PPL: variants seen among roughly 807,000 people sequenced by gnomAD.
PPL encodes the protein periplakin.
Under a neutral mutation model 194.4 loss-of-function variants are expected in PPL, and 198 were observed. The observed-to-expected ratio is 1.02, with a 90% CI of 0.91 to 1.15. The LOEUF (loss-of-function observed/expected upper bound fraction) is 1.15, where lower values mean the gene tolerates loss of function less well. Among genes scored for constraint, PPL ranks in the 50% most tolerant of loss-of-function variants. The probability of loss-of-function intolerance (pLI) is 0.00; values close to 1 mark genes in which losing one functional copy is unlikely to be tolerated. For missense variants in PPL, 2,885 were observed against 2,294.8 expected (o/e 1.26, Z -5.25); for synonymous variants, 1,220 against 972.4 (o/e 1.25, Z -4.74).
intron 1 of PPL, among the ~76,000 whole-genome samples, chr16:4,932,090 T>G (rs2089232254): frequency 6.6e-6 from 1 of 152,110 alleles, no homozygotes; most frequent in African/African-American, 2.4e-5. Flanking sequence ...GAGGCCTCAT[T>G]TGCTTCCCCA....
Position 4,885,763 on chromosome 16 carries a change from G to C in PPL, c.2892C>G (p.Asn964Lys). The C allele has an allele frequency of 6.2e-7, 1 of 1,612,012 alleles. No homozygotes were observed. The highest frequency in any genetic ancestry group is 8.5e-7 in the Non-Finnish European group (1 of 1,179,968). ...QRTLAEEQHK[N>K]QLLQEELEAL... ...CCTCCAGCTCCTCCTGCAGCAGCTG[G>C]TTCTTGTGCTGCTCCTCTGCCAGCG... Residue 964 changes from asparagine to lysine, a missense_variant, in exon 22 of 22, where the codon AAC becomes AAG. Physicochemically the swap from Asn to Lys is moderately conservative, Grantham distance 94. Coordinates refer to ENST00000345988, the MANE Select transcript of PPL (RefSeq NM_002705.5). This position sits in a 1 kb window ranked among gnomAD's most constrained non-coding sequence, Gnocchi z 6.3.
At position 4,890,712 on chromosome 16, in the gene PPL, C is replaced by A. The variant is rs1284774403; in HGVS notation, c.2162+16G>T. 4 of 1,591,392 alleles carry A rather than the reference C, an allele frequency of 2.5e-6. No homozygotes were observed. In the East Asian group the frequency reaches 9.0e-5, roughly 36 times the overall value. On this transcript the variant is annotated intron_variant, in intron 17 of 21. Coordinates refer to ENST00000345988, the MANE Select transcript of PPL (RefSeq NM_002705.5). ...TCTCAGAAAACAAAAATGGCCACCACCCACCGCACCCTCACCTGCGTTCCA... is the reference window on the plus strand; with the variant it reads ...TCTCAGAAAACAAAAATGGCCACCAACCACCGCACCCTCACCTGCGTTCCA...
intron 1 of PPL, among the ~76,000 whole-genome samples, chr16:4,913,463 T>C (rs1488288302): frequency 3.3e-5 from 5 of 152,196 alleles, no homozygotes; most frequent in African/African-American, 1.2e-4. Flanking sequence ...GGACTGTGCA[T>C]AGAGCCGGGC....
intron 20 of PPL, 151 bp from the exon 21 acceptor site, chr16:4,887,378 G>A (rs1247733805): frequency 3.1e-6 from 2 of 645,786 alleles, no homozygotes; most frequent in South Asian, 3.4e-5. Flanking sequence ...GAGTTAGACT[G>A]TAGCCTCACC....
intron 3 of PPL, among the ~76,000 whole-genome samples, chr16:4,903,655 G>T (rs58384839): frequency 2.6e-5 from 4 of 151,860 alleles, no homozygotes; most frequent in Non-Finnish European, 5.9e-5. Flanking sequence ...GGGAGGCAGA[G>T]ATTGCGCTGA....
In PPL at chr16:4,902,859, T is replaced by G. The variant is rs1325970044; in HGVS notation, c.318-333A>C. 6.6e-6 allele frequency among the ~76,000 whole-genome samples: 1 copy of G among 152,102 alleles called. No individual in the cohort carries two copies. The highest frequency in any genetic ancestry group is 1.9e-4 in the East Asian group (1 of 5,174). ...CATGTGCCACCTCGCCTGGGTAATT[T>G]TGTATTTTCAGTAGAGACGGGGTTT... On this transcript the variant is annotated intron_variant, in intron 3 of 21. Transcript: ENST00000345988. This position sits in a 1 kb window ranked among gnomAD's most constrained non-coding sequence, Gnocchi z 4.0.
rs1236847922 is a variant in PPL at position 4,902,702 on chromosome 16, T to G, written c.318-176A>C. Among the ~76,000 whole-genome samples the G allele has an allele frequency of 6.6e-6, 1 of 151,628 alleles. No individual in the cohort carries two copies. The highest frequency in any genetic ancestry group is 1.5e-5 in the Non-Finnish European group (1 of 67,782). ...CCCTCCTCCCATGCACTTTTTTTTTTTTTTTGAGACAGAGTCTTGCTCTGT... is the reference window on the plus strand; with the variant it reads ...CCCTCCTCCCATGCACTTTTTTTTTGTTTTTGAGACAGAGTCTTGCTCTGT... On this transcript the variant is annotated intron_variant, in intron 3 of 21. Coordinates refer to ENST00000345988, the MANE Select transcript of PPL (RefSeq NM_002705.5). The surrounding 1 kb of genome is among the most constrained non-coding windows in gnomAD (Gnocchi z 4.0).
At position 4,899,341 on chromosome 16, in the gene PPL, T is replaced by G; in HGVS notation, c.650A>C (p.Asp217Ala). ...CTCATTGGTGCAGCGCTGCATGTAG[T>G]CCTGCAGCGAACTCAGGTGCTGCTG... Reference protein sequence around the residue: ...ARQQHLSSLQDYMQRCTNELY... With the variant: ...ARQQHLSSLQAYMQRCTNELY... The change falls in exon 7 of 22, where the codon GAC becomes GCC. Residue 217 changes from aspartate to alanine, a missense_variant. Physicochemically the swap from Asp to Ala is moderately radical, Grantham distance 126. Transcript: ENST00000345988. The G allele has an allele frequency of 1.2e-6, 2 of 1,612,350 alleles. No individual in the cohort carries two copies. Among genetic ancestry groups the G allele is most frequent in the Non-Finnish European group, 1.7e-6 (2 of 1,179,256 alleles).
rs1467108021 is a variant in PPL at position 4,887,122 on chromosome 16, T to G, written c.2607+13A>C. 8.8e-6 allele frequency: 14 copies of G among 1,594,928 alleles called. No homozygotes were observed. Among genetic ancestry groups the G allele is most frequent in the Non-Finnish European group, 1.2e-5 (14 of 1,162,586 alleles). On this transcript the variant is annotated intron_variant, in intron 21 of 21. Coordinates refer to ENST00000345988, the MANE Select transcript of PPL (RefSeq NM_002705.5). ...AACAGCCTGAAGTAGAATTTCTTAC[T>G]AAGATCAGTTACCTGTCTGAGGAGA...
chr16:4,898,750 T>C (rs1487551078), intron 8 of PPL, among the ~76,000 whole-genome samples: 1 of 152,170 alleles, frequency 6.6e-6, no homozygotes, highest in African/African-American at 2.4e-5. Context: ...ACTAAGTTTG[T>C]TTTAACTTGT....
intron 1 of PPL, among the ~76,000 whole-genome samples, chr16:4,912,859 T>C (rs1226222234): frequency 6.6e-6 from 1 of 152,120 alleles, no homozygotes; most frequent in Admixed American, 6.6e-5. Context: ...ATCCCAGCAC[T>C]TTGGGAGGCC....
chr16:4,884,861 C>T lies in PPL; in HGVS notation c.3794G>A (p.Cys1265Tyr). 1.2e-6 allele frequency: 2 copies of T among 1,614,134 alleles called. No homozygotes were observed. Among genetic ancestry groups the T allele is most frequent in the Non-Finnish European group, 1.7e-6 (2 of 1,180,028 alleles). ...TTTCAGCTGGTAGATCTCTAAATCA[C>T]ACCTTTCGATCAGTCTGGTCTTGTC... Reference protein sequence around the residue: ...IVDKTRLIERCDLEIYQLKKE... With the variant: ...IVDKTRLIERYDLEIYQLKKE... Residue 1265 changes from cysteine (C) to tyrosine (Y), a missense_variant, in exon 22 of 22, where the codon TGT (cysteine) becomes TAT (tyrosine). Cys to Tyr is a radical substitution (Grantham distance 194, BLOSUM62 -2). Transcript: ENST00000345988. This position sits in a 1 kb window ranked among gnomAD's most constrained non-coding sequence, Gnocchi z 5.7.
intron 8 of PPL, among the ~76,000 whole-genome samples, chr16:4,898,653 C>T (rs1263069025): frequency 2.0e-5 from 3 of 152,124 alleles, no homozygotes; most frequent in Non-Finnish European, 4.4e-5. Flanking sequence ...CCTGGAGCTT[C>T]CAGAGGGAAT....
At chr16:4,913,245 C>T (rs912364103) in intron 1 of PPL, among the ~76,000 whole-genome samples, 3 of 152,166 alleles carry the variant, frequency 2.0e-5, no homozygotes, top group Non-Finnish European at 4.4e-5. Flanking sequence ...GGAAAATGCT[C>T]TAATGGGAGT....
At chr16:4,906,656 G>C (rs2088689599) in intron 2 of PPL, among the ~76,000 whole-genome samples, 1 of 152,234 alleles carries the variant, frequency 6.6e-6, no homozygotes, top group South Asian at 2.1e-4. Flanking sequence ...GGGAATGCAA[G>C]TTCTCTCAAA....
Position 4,893,822 on chromosome 16 carries a change from C to G in PPL, c.1395-184G>C. On this transcript the variant is annotated intron_variant, in intron 12 of 21. Transcript: ENST00000345988. ...GCTCCTGGGCTCAGAGCTCTTCTCC[C>G]TCCTTCCCTCCTCTTTCGTAGGAAG... The G allele has an allele frequency of 5.1e-6, 3 of 583,778 alleles. No homozygotes were observed. In the South Asian group the frequency reaches 6.3e-5, roughly 12 times the overall value. 36.2% of individuals were successfully genotyped at this position (583,778 alleles called of 1,614,324 possible). A position where few individuals can be genotyped will look rare whatever the true frequency, so the allele number is the denominator to read the frequency against.
At position 4,890,320 on chromosome 16, in the gene PPL, T is replaced by C. The variant is rs2088295689; in HGVS notation, c.2177A>G (p.Gln726Arg). Residue 726 changes from glutamine (Q) to arginine (R), a missense_variant, in exon 18 of 22, where the codon CAG becomes CGG. Coordinates refer to ENST00000345988, the MANE Select transcript of PPL (RefSeq NM_002705.5). ...QQVERRAQSL[Q>R]SAKAAYEHFH... ...GTGCTCGTAGGCTGCCTTGGCGCTC[T>C]GTAGGCTCTGCGCCCTGTCAAGGCA... 1 of 1,613,594 alleles carries C rather than the reference T, an allele frequency of 6.2e-7. No individual in the cohort carries two copies. The highest frequency in any genetic ancestry group is 2.2e-5 in the East Asian group (1 of 44,878).
Position 4,901,039 on chromosome 16 carries a change from G to A in PPL, c.489C>T (p.His163=). The A allele has an allele frequency of 6.2e-7, 1 of 1,614,154 alleles. No homozygotes were observed. The highest frequency in any genetic ancestry group is 8.5e-7 in the Non-Finnish European group (1 of 1,180,026). The stretch of plus-strand genomic sequence containing the variant: ...GGAAGATGTTATGCTCCTCCACTTG[G>A]TGGTCCACCAGCGGCAGGTCAGTCC... ...SFGTDLPLVD[H]QVEEHNIFHN... The change falls in exon 5 of 22, where the codon CAC becomes CAT. Residue 163 remains histidine (H), a synonymous_variant. Transcript: ENST00000345988.
rs2088178036 is a variant in PPL at position 4,884,585 on chromosome 16, C to T, written c.4070G>A (p.Arg1357Lys). 1 of 1,614,136 alleles carries T rather than the reference C, an allele frequency of 6.2e-7. No individual in the cohort carries two copies. Among genetic ancestry groups the T allele is most frequent in the Non-Finnish European group, 8.5e-7 (1 of 1,180,014 alleles). Residue 1357 changes from arginine (R) to lysine (K), a missense_variant, in exon 22 of 22, where the codon AGG becomes AAG. Transcript: ENST00000345988. This position sits in a 1 kb window ranked among gnomAD's most constrained non-coding sequence, Gnocchi z 5.7. ...CCGCAGGCCTGGCTCCTCCTCATAC[C>T]TGACCACCTCCTGCTGCACCACCCT... ...KERVVQQEVV[R>K]YEEEPGLRAE...
Sources: gnomAD v4.1 joint callset for allele counts (sites outside exome capture counted in the v4.1 genomes callset) on GRCh38, gnomAD v4.1.1 for gene constraint, Gnocchi (gnomAD v3.1) non-coding constraint, MANE v1.5 for transcripts, NCBI Gene and HGNC (gene_info 2026-07-23, HGNC 2026-07-21) for gene names.